MED23: variants seen among roughly 807,000 people sequenced by gnomAD.
MED23 encodes mediator complex subunit 23.
A neutral mutation model predicts 163.9 loss-of-function variants in MED23; 105 were observed. The observed-to-expected ratio is 0.64, with a 90% CI of 0.55 to 0.75. MED23 has a LOEUF of 0.75. MED23 is among the 30% of genes least tolerant of loss of function. The probability of loss-of-function intolerance (pLI) is 0.00; values close to 1 mark genes in which losing one functional copy is unlikely to be tolerated. For missense variants in MED23, 1,054 were observed against 1,649.0 expected, an observed-to-expected ratio of 0.64 and a Z score of 6.25; for synonymous variants, 561 against 565.6, an observed-to-expected ratio of 0.99 and a Z score of 0.12.
At chr6:131,619,439 A>G (rs943360551) in intron 8 of MED23, among the ~76,000 whole-genome samples, 1 of 151,886 alleles carries the variant, frequency 6.6e-6, no homozygotes, top group African/African-American at 2.4e-5. Context: ...AGGAAAAGCA[A>G]AAGTGGGAAT....
chr6:131,586,649 G>T, downstream of MED23: 1 of 903,630 alleles, frequency 1.1e-6, no homozygotes, highest in African/African-American at 1.7e-5. Flanking sequence ...CAACTGTAGT[G>T]TAGGAACCAC....
At chr6:131,590,104 A>G (rs1176065635) in intron 27 of MED23, among the ~76,000 whole-genome samples, 2 of 152,174 alleles carry the variant, frequency 1.3e-5, no homozygotes, top group Non-Finnish European at 2.9e-5. Flanking sequence ...CCTCTTCTCA[A>G]CCTTCATGAT....
intron 28 of MED23, among the ~76,000 whole-genome samples, chr6:131,589,069 T>A (rs1420414272): frequency 6.6e-6 from 1 of 152,210 alleles, no homozygotes; most frequent in African/African-American, 2.4e-5. Context: ...CTTCTAGTTA[T>A]GCCGCGGTTT....
intron 7 of MED23, among the ~76,000 whole-genome samples, chr6:131,620,146 A>G (rs1776986712): frequency 6.6e-6 from 1 of 152,212 alleles, no homozygotes; most frequent in Non-Finnish European, 1.5e-5. Context: ...ATATTTTATT[A>G]CATGGCATAT....
In MED23 at chr6:131,592,440, T is replaced by G. The variant is rs990351191; in HGVS notation, c.3419A>C (p.Glu1140Ala). 4 of 1,614,010 alleles carry G rather than the reference T, an allele frequency of 2.5e-6. No homozygotes were observed. Among genetic ancestry groups the G allele is most frequent in the Middle Eastern group, 3.3e-4 (2 of 6,058 alleles). ...TGCATTCATCCATGCTGTAATGTTC[T>G]CTCTTGGCACTAAAGGCTGACTGCA... is the stretch of plus-strand genomic sequence containing the variant. The part of the protein sequence containing the change: ...VLKSQPLVPR[E>A]NITAWMNAIG... The change falls in exon 25 of 29, where the codon GAG becomes GCG. Residue 1140 changes from glutamate to alanine, a missense_variant. Coordinates refer to ENST00000368068, the MANE Select transcript of MED23 (RefSeq NM_004830.4).
intron 25 of MED23, 130 bp downstream of exon 25, chr6:131,592,258 A>G (rs1774698944): frequency 2.4e-6 from 2 of 833,206 alleles, no homozygotes; most frequent in Admixed American, 4.3e-5. Flanking sequence ...AACTTTAAAA[A>G]CATAAAATAC....
chr6:131,625,535 T>C (rs1424213659), intron 3 of MED23, among the ~76,000 whole-genome samples: 1 of 152,230 alleles, frequency 6.6e-6, no homozygotes, highest in Non-Finnish European at 1.5e-5. Flanking sequence ...TCTAGGATTA[T>C]CTCCAAAAAG....
chr6:131,624,132 A>AT (rs1377406356), intron 4 of MED23, among the ~76,000 whole-genome samples: 1 of 152,198 alleles, frequency 6.6e-6, no homozygotes, highest in African/African-American at 2.4e-5. Flanking sequence ...TGGCAACAAG[A>AT]TTTTTGATCC....
intron 8 of MED23, 97 bp from the exon 9 acceptor site, chr6:131,618,616 A>G (rs1776862830): frequency 1.2e-6 from 1 of 823,896 alleles, no homozygotes; most frequent in East Asian, 2.6e-5. Context: ...TGAAATAGGC[A>G]TTGGTTTGGT....
chr6:131,589,394 A>G, intron 28 of MED23, 71 bp downstream of exon 28: 1 of 1,435,730 alleles, frequency 7.0e-7, no homozygotes, highest in Non-Finnish European at 9.5e-7. Context: ...CAAACCAAAA[A>G]AGTCTATTAC....
chr6:131,576,892 T>C (rs1177141525), intron 30 of MED23, among the ~76,000 whole-genome samples: 1 of 152,048 alleles, frequency 6.6e-6, no homozygotes, highest in Non-Finnish European at 1.5e-5. Context: ...CAGCAGGGCA[T>C]GGGGAGAATG....
intron 3 of MED23, 21 bp downstream of exon 3, chr6:131,627,375 T>C: frequency 6.3e-7 from 1 of 1,578,012 alleles, no homozygotes; most frequent in Non-Finnish European, 8.7e-7. Flanking sequence ...CAGCTGAATG[T>C]ATTAAAAATG....
In MED23 at chr6:131,628,140, T is replaced by C. The variant is rs1777657645; in HGVS notation, c.-91A>G. 4 of 1,469,784 alleles carry C rather than the reference T, an allele frequency of 2.7e-6. No individual in the cohort carries two copies. In the African/African-American group the frequency reaches 4.2e-5, roughly 15 times the overall value. The allele number at this position is 1,469,784 out of a possible 1,614,324, so 91.0% of individuals were successfully genotyped here. On this transcript the variant is annotated 5_prime_UTR_variant, in exon 1 of 29. Coordinates refer to ENST00000368068, the MANE Select transcript of MED23 (RefSeq NM_004830.4). ...ATATAGGGGCAGAGGGGCGGAGACCTCTGGAGGAAACCGTAGCTCCTCGGC... is the reference window on the plus strand; with the variant it reads ...ATATAGGGGCAGAGGGGCGGAGACCCCTGGAGGAAACCGTAGCTCCTCGGC...
intron 23 of MED23, 78 bp downstream of exon 23, chr6:131,594,021 C>G: frequency 1.6e-6 from 2 of 1,245,256 alleles, no homozygotes; most frequent in Non-Finnish European, 2.3e-6. Context: ...TAAAAAATTA[C>G]TTTAAAAGAA....
chr6:131,610,122 A>G lies in MED23; in HGVS notation c.1001T>C (p.Leu334Pro). ...CACAAAGAAAATGAGCTGACTTGAG[A>G]GATGCTGCCACAGGAGTTGGCTTGT... is the stretch of plus-strand genomic sequence containing the variant. ...GGTSQLLWQH[L>P]SSQLIFFVLF... The change falls in exon 11 of 29, where the codon CTC (leucine) becomes CCC (proline). Residue 334 changes from leucine (L) to proline (P), a missense_variant. Physicochemically the swap from Leu to Pro is moderately conservative, Grantham distance 98. Coordinates refer to ENST00000368068, the MANE Select transcript of MED23 (RefSeq NM_004830.4). 6.2e-7 allele frequency: 1 copy of G among 1,614,090 alleles called. No homozygotes were observed.
At chr6:131,603,860 T>C (rs1040024675) in intron 15 of MED23, among the ~76,000 whole-genome samples, 1 of 152,186 alleles carries the variant, frequency 6.6e-6, no homozygotes. Flanking sequence ...TCAGGCAGAA[T>C]CCATTTGCAT....
intron 4 of MED23, among the ~76,000 whole-genome samples, chr6:131,624,477 A>G (rs1048589941): frequency 1.3e-5 from 2 of 152,246 alleles, no homozygotes; most frequent in Non-Finnish European, 1.5e-5. Flanking sequence ...CCCTAGCCAC[A>G]TTGATCACAA....
intron 5 of MED23, 84 bp from the exon 6 acceptor site, chr6:131,622,063 A>G: frequency 1.0e-6 from 1 of 959,976 alleles, no homozygotes; most frequent in African/African-American, 1.6e-5. Context: ...AGGGTGATAT[A>G]TTCCTTCAAG....
chr6:131,612,024 GAAC>G (rs1012939849), intron 10 of MED23, among the ~76,000 whole-genome samples: 4 of 152,010 alleles, frequency 2.6e-5, no homozygotes, highest in Admixed American at 6.6e-5. Context: ...GACAAAGCAA[GAAC>G]AACTAGGAAA....
Sources: allele counts gnomAD v4.1 joint callset (sites outside exome capture counted in the v4.1 genomes callset), GRCh38; gene constraint gnomAD v4.1.1; transcripts MANE v1.5; gene names NCBI Gene and HGNC (gene_info 2026-07-23, HGNC 2026-07-21).